The following CLCA4 variants were observed in gnomAD, a reference collection of about 807,000 sequenced individuals.
The protein encoded by CLCA4 is calcium-activated chloride channel regulator 4.
CLCA4 carries 69 observed loss-of-function variants against 78.9 expected under a neutral mutation model. The observed-to-expected ratio is 0.87, with a 90% CI of 0.72 to 1.07. The LOEUF (loss-of-function observed/expected upper bound fraction) is 1.07, where lower values mean the gene tolerates loss of function less well. Ranked by LOEUF, CLCA4 falls within the 50% of genes least tolerant of loss-of-function variation. The pLI is 0.00. For synonymous variants in CLCA4, 362 were observed against 375.8 expected (o/e 0.96, Z 0.42); for missense variants, 1,133 against 1,095.8 (o/e 1.03, Z -0.48).
At position 86,560,072 on chromosome 1, in the gene CLCA4, T is replaced by A; in HGVS notation, c.300T>A (p.His100Gln). Residue 100 changes from histidine to glutamine, a missense_variant and splice_region_variant, in exon 2 of 14, where the codon CAT becomes CAA. By Grantham distance (24) the His-to-Gln change is conservative (BLOSUM62 0). Transcript: ENST00000370563. ...GGCCAAAACATGAAAACCATAAACATGTAAGTGTCGAAATATTCTCTTAAA... is the reference window on the plus strand; with the variant it reads ...GGCCAAAACATGAAAACCATAAACAAGTAAGTGTCGAAATATTCTCTTAAA... Reference protein sequence around the residue: ...YKRPKHENHKHADVIVAPPTL... With the variant: ...YKRPKHENHKQADVIVAPPTL... 1 of 1,580,028 alleles carries A rather than the reference T, an allele frequency of 6.3e-7. No individual in the cohort carries two copies. Among genetic ancestry groups the A allele is most frequent in the Non-Finnish European group, 8.6e-7 (1 of 1,169,254 alleles).
At chr1:86,563,823 T>G in intron 4 of CLCA4, 54 bp downstream of exon 4, 1 of 963,416 alleles carries the variant, frequency 1.0e-6, no homozygotes, top group Non-Finnish European at 1.6e-6. Flanking sequence ...CATTCTTATT[T>G]TCCTACTTTG....
At position 86,574,613 on chromosome 1, in the gene CLCA4, G is replaced by C. The variant is rs1362838003; in HGVS notation, c.1541G>C (p.Gly514Ala). Residue 514 changes from glycine (G) to alanine (A), a missense_variant, in exon 10 of 14, where the codon GGA becomes GCA. Physicochemically the swap from Gly to Ala is moderately conservative, Grantham distance 60. Coordinates refer to ENST00000370563, the MANE Select transcript of CLCA4 (RefSeq NM_012128.4). ...ACTGTCATAATTGATAGTACAGTGG[G>C]AAAGGACACGTTCTTTCTCATCACA... is the stretch of plus-strand genomic sequence containing the variant. Reference protein sequence around the residue: ...NDTVIIDSTVGKDTFFLITWN... With the variant: ...NDTVIIDSTVAKDTFFLITWN... The C allele has an allele frequency of 6.2e-7, 1 of 1,613,260 alleles. No individual in the cohort carries two copies. The highest frequency in any genetic ancestry group is 1.1e-5 in the South Asian group (1 of 91,056).
intron 1 of CLCA4, among the ~76,000 whole-genome samples, chr1:86,558,077 G>A (rs917292047): frequency 6.6e-6 from 1 of 151,908 alleles, no homozygotes; most frequent in Non-Finnish European, 1.5e-5. Flanking sequence ...GAGCCTATGG[G>A]TGTCATTATG....
chr1:86,552,584 C>A (rs1339073891), intron 1 of CLCA4: 9 of 599,804 alleles, frequency 1.5e-5, no homozygotes, highest in Non-Finnish European at 2.4e-5. Context: ...CGTGTCCACG[C>A]GTCAGACACA....
intron 10 of CLCA4, 86 bp from the exon 11 acceptor site, chr1:86,575,246 A>C: frequency 8.7e-7 from 1 of 1,144,568 alleles, no homozygotes; most frequent in South Asian, 1.5e-5. Context: ...TCTCCCCATT[A>C]TATAATTTAT....
At chr1:86,563,329 A>G (rs2101801954) in intron 3 of CLCA4, among the ~76,000 whole-genome samples, 1 of 151,968 alleles carries the variant, frequency 6.6e-6, no homozygotes, top group South Asian at 2.1e-4. Context: ...CCCCATGGTT[A>G]TAATTTGGAG....
At chr1:86,558,637 C>G (rs527415881) in intron 1 of CLCA4, among the ~76,000 whole-genome samples, 147 of 152,230 alleles carry the variant, frequency 9.7e-4, no homozygotes, top group African/African-American at 3.3e-3. Flanking sequence ...AGGAAGCAAA[C>G]ATGTCCTTCT....
chr1:86,571,250 A>C lies in CLCA4; in HGVS notation c.1356A>C (p.Ile452=), dbSNP rs771372183. 1.2e-6 allele frequency: 2 copies of C among 1,610,198 alleles called. No homozygotes were observed. The highest frequency in any genetic ancestry group is 2.7e-5 in the African/African-American group (2 of 74,800). The change falls in exon 8 of 14, where the codon ATA becomes ATC. Residue 452 remains isoleucine, a synonymous_variant. Transcript: ENST00000370563. ...AAGCAGTAATAGAGATGAGCAAGAT[A>C]ACAGGTAAAACACGATCCATTTATT... The part of the protein sequence containing the change: ...ADEAVIEMSK[I]TGGSHFYVSD...
intron 3 of CLCA4, among the ~76,000 whole-genome samples, chr1:86,560,689 A>G (rs544265119): frequency 9.8e-5 from 15 of 152,372 alleles, no homozygotes; most frequent in Middle Eastern, 3.4e-3. Flanking sequence ...TTAAATTTTA[A>G]TTTTTCCACT....
chr1:86,574,537 C>T lies in CLCA4; in HGVS notation c.1468-3C>T. On this transcript the variant is annotated splice_polypyrimidine_tract_variant and splice_region_variant and intron_variant, in intron 9 of 13. Transcript: ENST00000370563. ...TCATTAATTTTGAAATCTATTTAAA[C>T]AGCTCGAAAGTAAGGGATTAACACT... 6.2e-7 allele frequency: 1 copy of T among 1,607,414 alleles called. No homozygotes were observed. Among genetic ancestry groups the T allele is most frequent in the Non-Finnish European group, 8.5e-7 (1 of 1,174,436 alleles).
chr1:86,580,497 C>G lies in CLCA4; in HGVS notation c.*152C>G. 1.9e-6 allele frequency: 1 copy of G among 515,482 alleles called. No homozygotes were observed. The highest frequency in any genetic ancestry group is 7.0e-5 in the South Asian group (1 of 14,310). The allele number at this position is 515,482 out of a possible 1,614,324, so 31.9% of individuals were successfully genotyped here. On this transcript the variant is annotated 3_prime_UTR_variant, in exon 14 of 14. Coordinates refer to ENST00000370563, the MANE Select transcript of CLCA4 (RefSeq NM_012128.4). ...AATTTTAAGATGTCGGAAAAGGATA[C>G]TTTGATTAAATAAAAACACTCATGG...
chr1:86,566,543 C>T (rs1650194534), intron 6 of CLCA4, among the ~76,000 whole-genome samples: 2 of 152,070 alleles, frequency 1.3e-5, no homozygotes, highest in South Asian at 4.2e-4. Flanking sequence ...CATAGTGAAG[C>T]ATGCTGAAGA....
chr1:86,560,080 T>C lies in CLCA4; in HGVS notation c.300+8T>C, dbSNP rs1047797628. The C allele has an allele frequency of 2.5e-6, 4 of 1,571,458 alleles. No individual in the cohort carries two copies. The highest frequency in any genetic ancestry group is 2.1e-5 in the Admixed American group (1 of 48,404). On this transcript the variant is annotated splice_region_variant and intron_variant, in intron 2 of 13. Transcript: ENST00000370563. ...CATGAAAACCATAAACATGTAAGTG[T>C]CGAAATATTCTCTTAAAAAATTATA...
chr1:86,565,565 G>T, intron 5 of CLCA4, 114 bp downstream of exon 5: 1 of 834,932 alleles, frequency 1.2e-6, no homozygotes. Flanking sequence ...AGAGTTCTTT[G>T]AACACTGGCT....
At chr1:86,555,083 A>G (rs769295026) in intron 1 of CLCA4, among the ~76,000 whole-genome samples, 1 of 152,012 alleles carries the variant, frequency 6.6e-6, no homozygotes, top group Non-Finnish European at 1.5e-5. Context: ...ATTTGTTTAC[A>G]TTCCTTTTAA....
rs761552122 is a variant in CLCA4, at chr1:86,578,084, A to G, written c.2122+12A>G. 21 of 1,601,356 alleles carry G rather than the reference A, an allele frequency of 1.3e-5. No homozygotes were observed. The highest frequency in any genetic ancestry group is 1.2e-4 in the Admixed American group (7 of 58,302). ...CTGGGTAGTGAACGGTGAGTAACTC[A>G]TGATATTTATAATCCAGTGATAGTT... On this transcript the variant is annotated intron_variant, in intron 12 of 13. Transcript: ENST00000370563.
chr1:86,549,946 C>T (rs574356803), intron 1 of CLCA4, among the ~76,000 whole-genome samples: 2 of 152,298 alleles, frequency 1.3e-5, no homozygotes, highest in Admixed American at 6.5e-5. Context: ...CAGGACTAAA[C>T]CAAGGACACT....
chr1:86,572,661 A>G lies in CLCA4; in HGVS notation c.1408A>G (p.Ile470Val). Residue 470 changes from isoleucine to valine, a missense_variant, in exon 9 of 14, where the codon ATT becomes GTT. Physicochemically the swap from Ile to Val is conservative, Grantham distance 29 (BLOSUM62 3). Coordinates refer to ENST00000370563, the MANE Select transcript of CLCA4 (RefSeq NM_012128.4). ...AGATGAAGCTCAGAACAATGGCCTCATTGATGCTTTTGGGGCTCTTACATC... is the reference window on the plus strand; with the variant it reads ...AGATGAAGCTCAGAACAATGGCCTCGTTGATGCTTTTGGGGCTCTTACATC... ...VSDEAQNNGL[I>V]DAFGALTSGN... 6.2e-7 allele frequency: 1 copy of G among 1,610,330 alleles called. No individual in the cohort carries two copies. The highest frequency in any genetic ancestry group is 8.5e-7 in the Non-Finnish European group (1 of 1,176,974).
intron 1 of CLCA4, among the ~76,000 whole-genome samples, chr1:86,550,988 C>T (rs1258901318): frequency 6.6e-6 from 1 of 151,640 alleles, no homozygotes; most frequent in African/African-American, 2.4e-5. Flanking sequence ...CCTGCCACCA[C>T]GCCCCGCTAA....
Sources: gnomAD v4.1 joint callset for allele counts (sites outside exome capture counted in the v4.1 genomes callset) on GRCh38, gnomAD v4.1.1 for gene constraint, MANE v1.5 for transcripts, NCBI Gene and HGNC (gene_info 2026-07-23, HGNC 2026-07-21) for gene names.